The following ZBTB7A variants were observed in gnomAD, a reference collection of about 807,000 sequenced individuals.
The protein encoded by ZBTB7A is zinc finger and BTB domain-containing protein 7A.
A neutral mutation model predicts 26.7 loss-of-function variants in ZBTB7A; 7 were observed. The ratio of observed to expected loss-of-function variants is 0.26; its 90% confidence interval spans 0.15 to 0.49. The LOEUF is 0.49. Ranked by LOEUF, ZBTB7A falls within the 20% of genes least tolerant of loss-of-function variation. The pLI is 0.98. For missense variants in ZBTB7A, 617 were observed against 919.5 expected (o/e 0.67, Z 4.25); for synonymous variants, 452 against 441.0 (o/e 1.02, Z -0.31).
At position 4,053,952 on chromosome 19, in the gene ZBTB7A, C is replaced by G. The variant is rs201474224; in HGVS notation, c.1262+19G>C. 9.3e-5 allele frequency: 147 copies of G among 1,576,332 alleles called. No homozygotes were observed. Among genetic ancestry groups the G allele is most frequent in the Non-Finnish European group, 4.3e-5 (50 of 1,164,696 alleles). ...GGGCAGAGAGCAGGACGGCGCCTCCCCCGCGGCGGGCAGCTCACCTGGTGA... is the reference window on the plus strand; with the variant it reads ...GGGCAGAGAGCAGGACGGCGCCTCCGCCGCGGCGGGCAGCTCACCTGGTGA... On this transcript the variant is annotated intron_variant, in intron 2 of 2. Transcript: ENST00000322357.
In ZBTB7A at chr19:4,046,904, CG is replaced by C. The variant is rs1204984240; in HGVS notation, c.*847del. ...AAGACAGAAGTTTTGAATCTCCAAA[CG>C]TGGGGGTCTAGGTGGACCGGGCGGG... On this transcript the variant is annotated 3_prime_UTR_variant, in exon 3 of 3. Coordinates refer to ENST00000322357, the MANE Select transcript of ZBTB7A (RefSeq NM_015898.4). The C allele has an allele frequency of 1.3e-5, 1 of 79,430 alleles. No homozygotes were observed. Among genetic ancestry groups the C allele is most frequent in the Non-Finnish European group, 2.5e-5 (1 of 39,798 alleles). The allele number at this position is 79,430 out of a possible 1,614,324, so 4.9% of individuals were successfully genotyped here.
chr19:4,044,373 A>T lies in ZBTB7A; in HGVS notation c.*3379T>A, dbSNP rs1599242430. 2 of 144,598 alleles carry T rather than the reference A, an allele frequency of 1.4e-5. No individual in the cohort carries two copies. The highest frequency in any genetic ancestry group is 1.9e-4 in the East Asian group (1 of 5,146). 9.0% of individuals were successfully genotyped at this position (144,598 alleles called of 1,614,324 possible). On this transcript the variant is annotated 3_prime_UTR_variant, in exon 3 of 3. Coordinates refer to ENST00000322357, the MANE Select transcript of ZBTB7A (RefSeq NM_015898.4). ...TAATTTTTTTTTTTCATTTTTAAAA[A>T]CTTTTTTGACTTTTTTTTTTTTTCC...
chr19:4,053,112 C>A lies in ZBTB7A; in HGVS notation c.1262+859G>T, dbSNP rs112596623. 7.5e-3 allele frequency among the ~76,000 whole-genome samples: 1,146 copies of A among 152,324 alleles called. 11 individuals carry two copies. The highest frequency in any genetic ancestry group is 0.026 in the African/African-American group (1,084 of 41,556). ...TCCCAAAGCAGAAAAAGAAAAAAAT[C>A]CAAAAGTGCAGAAGAGAAGAACCAG... is the stretch of plus-strand genomic sequence containing the variant. On this transcript the variant is annotated intron_variant, in intron 2 of 2. Transcript: ENST00000322357.
chr19:4,056,198 A>G (rs2040575629), intron 1 of ZBTB7A, among the ~76,000 whole-genome samples: 1 of 151,800 alleles, frequency 6.6e-6, no homozygotes, highest in Admixed American at 6.6e-5. Flanking sequence ...TCTGTACACA[A>G]GGGCGGCCAG....
At chr19:4,053,867 G>A (rs2040535890) in intron 2 of ZBTB7A, 104 bp downstream of exon 2, 2 of 1,348,704 alleles carry the variant, frequency 1.5e-6, no homozygotes, top group Non-Finnish European at 1.0e-6. Flanking sequence ...GTGCGTCTGC[G>A]TGCATGTGTG....
chr19:4,050,190 G>A (rs763336620), intron 2 of ZBTB7A, among the ~76,000 whole-genome samples: 6 of 152,140 alleles, frequency 3.9e-5, no homozygotes, highest in African/African-American at 1.4e-4. Flanking sequence ...CTCCCCAAAC[G>A]CTGGGATTAC....
In ZBTB7A at chr19:4,046,207, C is replaced by T. The variant is rs1052735140; in HGVS notation, c.*1545G>A. 4 of 397,138 alleles carry T rather than the reference C, an allele frequency of 1.0e-5. No homozygotes were observed. The highest frequency in any genetic ancestry group is 8.2e-5 in the African/African-American group (4 of 48,568). 24.6% of individuals were successfully genotyped at this position (397,138 alleles called of 1,614,324 possible). A position where few individuals can be genotyped will look rare whatever the true frequency, so the allele number is the denominator to read the frequency against. ...GAACACAGCACGAACACCCCACAGTCCTGCCTTCGAGGCTGACGTCTGGGG... is the reference window on the plus strand; with the variant it reads ...GAACACAGCACGAACACCCCACAGTTCTGCCTTCGAGGCTGACGTCTGGGG... On this transcript the variant is annotated 3_prime_UTR_variant, in exon 3 of 3. Transcript: ENST00000322357.
intron 1 of ZBTB7A, among the ~76,000 whole-genome samples, chr19:4,065,944 G>C (rs1294786699): frequency 7.3e-6 from 1 of 136,928 alleles, no homozygotes; most frequent in Non-Finnish European, 1.6e-5. Flanking sequence ...CGCGCCGCGC[G>C]ATCGGCCCGC....
intron 1 of ZBTB7A, among the ~76,000 whole-genome samples, chr19:4,065,047 G>C (rs866422188): frequency 2.0e-4 from 31 of 151,748 alleles, no homozygotes; most frequent in Admixed American, 1.6e-3. Context: ...AGGCCGGGGG[G>C]GCTGGGTCTC....
chr19:4,043,695 TG>T lies in ZBTB7A; in HGVS notation c.*4056del, dbSNP rs2040373079. Reference sequence around the variant, plus strand: ...CCCCGGCGAGGGATGGGGGTCTCCCTGGCCCCCTCCACCCCCTGGGCCCGGC... The same window carrying T: ...CCCCGGCGAGGGATGGGGGTCTCCCTGCCCCCTCCACCCCCTGGGCCCGGC... On this transcript the variant is annotated 3_prime_UTR_variant, in exon 3 of 3. Coordinates refer to ENST00000322357, the MANE Select transcript of ZBTB7A (RefSeq NM_015898.4). 7.9e-6 allele frequency among the ~76,000 whole-genome samples: 1 copy of T among 126,338 alleles called. No homozygotes were observed. The highest frequency in any genetic ancestry group is 3.7e-5 in the African/African-American group (1 of 27,146). The allele number at this position is 126,338 out of a possible 152,430, so 82.9% of individuals were successfully genotyped here.
Position 4,049,212 on chromosome 19 carries a change from A to ATAT in ZBTB7A, c.1263-969_1263-968insATA, listed in dbSNP as rs1396362012. On this transcript the variant is annotated intron_variant, in intron 2 of 2. Transcript: ENST00000322357. ...TATATATATATATATATATATATGT[A>ATAT]AGTTTGAGAGATGGGGGTTGAGCTA... 6.4e-3 allele frequency among the ~76,000 whole-genome samples: 149 copies of ATAT among 23,178 alleles called. 28 individuals carry two copies. Among genetic ancestry groups the ATAT allele is most frequent in the Non-Finnish European group, 0.014 (76 of 5,604 alleles). The allele number at this position is 23,178 out of a possible 152,430, so 15.2% of individuals were successfully genotyped here.
Position 4,052,528 on chromosome 19 carries a change from C to T in ZBTB7A, c.1262+1443G>A, listed in dbSNP as rs555490466. 1.5e-3 allele frequency among the ~76,000 whole-genome samples: 222 copies of T among 152,180 alleles called. 1 individual carries two copies. The highest frequency in any genetic ancestry group is 5.2e-3 in the African/African-American group (214 of 41,542). Reference sequence around the variant, plus strand: ...CCGGGGTGCTGGGGAGGGGTCAGTCCCAGTTCCTGTCCCCACGGGGTGGGG... The same window carrying T: ...CCGGGGTGCTGGGGAGGGGTCAGTCTCAGTTCCTGTCCCCACGGGGTGGGG... On this transcript the variant is annotated intron_variant, in intron 2 of 2. Transcript: ENST00000322357. The surrounding 1 kb of genome is among the most constrained non-coding windows in gnomAD (Gnocchi z 4.9).
chr19:4,046,315 C>G lies in ZBTB7A; in HGVS notation c.*1437G>C. 1 of 357,674 alleles carries G rather than the reference C, an allele frequency of 2.8e-6. No individual in the cohort carries two copies. Among genetic ancestry groups the G allele is most frequent in the South Asian group, 1.5e-4 (1 of 6,642 alleles). The allele number at this position is 357,674 out of a possible 1,614,324, so 22.2% of individuals were successfully genotyped here. Reference sequence around the variant, plus strand: ...ACCCCCCTTCTCGCTTTTTGGGGAACAGAAGTGGATTCTACGTTTGTGGTG... The same window carrying G: ...ACCCCCCTTCTCGCTTTTTGGGGAAGAGAAGTGGATTCTACGTTTGTGGTG... On this transcript the variant is annotated 3_prime_UTR_variant, in exon 3 of 3. Coordinates refer to ENST00000322357, the MANE Select transcript of ZBTB7A (RefSeq NM_015898.4).
Position 4,048,587 on chromosome 19 carries a change from T to C in ZBTB7A, c.1263-343A>G, listed in dbSNP as rs2144974832. Among the ~76,000 whole-genome samples the C allele has an allele frequency of 1.3e-5, 2 of 151,876 alleles. No individual in the cohort carries two copies. The highest frequency in any genetic ancestry group is 4.2e-4 in the South Asian group (2 of 4,792). On this transcript the variant is annotated intron_variant, in intron 2 of 2. Coordinates refer to ENST00000322357, the MANE Select transcript of ZBTB7A (RefSeq NM_015898.4). The surrounding 1 kb of genome is among the most constrained non-coding windows in gnomAD (Gnocchi z 6.7). ...GGCTCAGGCCTGAAATCCCAGCACT[T>C]TGGGAGGCCGAGGCGGGCGGATCAC...
chr19:4,054,951 C>T lies in ZBTB7A; in HGVS notation c.282G>A (p.Thr94=), dbSNP rs780329098. The change falls in exon 2 of 3, where the codon ACG becomes ACA. Residue 94 remains threonine (T), a synonymous_variant. Transcript: ENST00000322357. ...ALTALMDFAY[T]ATLTVSTANV... is the part of the protein sequence containing the mutation. Reference sequence around the variant, plus strand: ...TGGCTGTGCTGACGGTGAGCGTGGCCGTGTAGGCGAAGTCCATGAGCGCGG... The same window carrying T: ...TGGCTGTGCTGACGGTGAGCGTGGCTGTGTAGGCGAAGTCCATGAGCGCGG... The T allele has an allele frequency of 8.7e-6, 14 of 1,611,884 alleles. No homozygotes were observed. The South Asian group carries it at 1.2e-4, about 14-fold the overall frequency.
At chr19:4,062,961 G>T (rs2040654902) in intron 1 of ZBTB7A, among the ~76,000 whole-genome samples, 1 of 152,118 alleles carries the variant, frequency 6.6e-6, no homozygotes, top group South Asian at 2.1e-4. Context: ...GACTGCTGGG[G>T]TGGACCCAAG....
intron 2 of ZBTB7A, among the ~76,000 whole-genome samples, chr19:4,050,311 T>C (rs2040487584): frequency 6.6e-6 from 1 of 152,238 alleles, no homozygotes; most frequent in Admixed American, 6.5e-5. Context: ...TCCGCCTGCC[T>C]CGGCCTCCCA....
rs1479526979 is a variant in ZBTB7A at position 4,047,656 on chromosome 19, TTTTC to T, written c.*92_*95del. 3.9e-6 allele frequency: 5 copies of T among 1,289,430 alleles called. No homozygotes were observed. The highest frequency in any genetic ancestry group is 1.6e-5 in the African/African-American group (1 of 64,278). 79.9% of individuals were successfully genotyped at this position (1,289,430 alleles called of 1,614,324 possible). A position where few individuals can be genotyped will look rare whatever the true frequency, so the allele number is the denominator to read the frequency against. ...ATATAGATATCTGTATATAGATAGA[TTTTC>T]TTTTTTTGTGTTTTTGGGGGGGTGG... On this transcript the variant is annotated 3_prime_UTR_variant, in exon 3 of 3. Transcript: ENST00000322357.
At chr19:4,066,266 C>T (rs929807445) in intron 1 of ZBTB7A, among the ~76,000 whole-genome samples, 4 of 148,370 alleles carry the variant, frequency 2.7e-5, no homozygotes, top group Non-Finnish European at 4.5e-5. Flanking sequence ...CCGAATAGGC[C>T]CCCGGGGGGC....
Sources: allele counts gnomAD v4.1 joint callset (sites outside exome capture counted in the v4.1 genomes callset), GRCh38; gene constraint gnomAD v4.1.1; non-coding constraint Gnocchi (gnomAD v3.1); transcripts MANE v1.5; gene names NCBI Gene and HGNC (gene_info 2026-07-23, HGNC 2026-07-21).